Variants in DLGAP2 observed in about 807,000 individuals in gnomAD.
DLGAP2 encodes the protein DLG associated protein 2.
DLGAP2 carries 26 observed loss-of-function variants against 100.3 expected under a neutral mutation model. That is an observed-to-expected ratio of 0.26 (90% CI 0.19 to 0.36). The LOEUF is 0.36. Among genes scored for constraint, DLGAP2 ranks in the 10% least tolerant of loss-of-function variants. The probability of loss-of-function intolerance (pLI) is 1.00; values close to 1 mark genes in which losing one functional copy is unlikely to be tolerated. For synonymous variants in DLGAP2, 886 were observed against 630.1 expected (o/e 1.41, Z -6.08); for missense variants, 1,858 against 1,453.2 (o/e 1.28, Z -4.53).
At chr8:1,273,330 C>G (rs1799619647) in intron 3 of DLGAP2, among the ~76,000 whole-genome samples, 1 of 152,170 alleles carries the variant, frequency 6.6e-6, no homozygotes, top group Non-Finnish European at 1.5e-5. Context: ...GGACTTGAGT[C>G]CCTGTTGCCA....
intron 2 of DLGAP2, among the ~76,000 whole-genome samples, chr8:1,169,805 A>G (rs555560042): frequency 3.8e-4 from 57 of 151,960 alleles, no homozygotes; most frequent in Non-Finnish European, 7.5e-4. Context: ...GATTTTCTAG[A>G]TATACAATCA....
intron 3 of DLGAP2, chr8:1,381,240 A>G (rs961776293): frequency 6.6e-6 from 1 of 152,184 alleles, no homozygotes; most frequent in African/African-American, 2.4e-5. Flanking sequence ...CTCACCACCA[A>G]TTCCATGTGT....
intron 3 of DLGAP2, among the ~76,000 whole-genome samples, chr8:1,427,040 G>A (rs1042935412): frequency 6.6e-6 from 1 of 152,136 alleles, no homozygotes; most frequent in African/African-American, 2.4e-5. Flanking sequence ...TAGGTAAAAG[G>A]TGTTAAGATC....
intron 6 of DLGAP2, among the ~76,000 whole-genome samples, chr8:1,581,006 C>G (rs1437702842): frequency 1.3e-5 from 2 of 150,444 alleles, no homozygotes; most frequent in Non-Finnish European, 3.0e-5. Flanking sequence ...AGACAAAACC[C>G]CACACATATA....
At chr8:806,624 G>A (rs1031655548) in intron 1 of DLGAP2, among the ~76,000 whole-genome samples, 1 of 152,132 alleles carries the variant, frequency 6.6e-6, no homozygotes, top group Non-Finnish European at 1.5e-5. Context: ...GGCTGCTCCT[G>A]GGGTCCCTGC....
intron 6 of DLGAP2, among the ~76,000 whole-genome samples, chr8:1,588,812 C>T (rs1454252560): frequency 6.8e-6 from 1 of 147,068 alleles, no homozygotes; most frequent in Non-Finnish European, 1.5e-5. Flanking sequence ...ATCCCAGCTA[C>T]TCAGAAGGCT....
Position 950,576 on chromosome 8 carries a change from C to A in DLGAP2, c.73+42610C>A, listed in dbSNP as rs149414025. ...CTGTTCATCTGACCATTACTTCTCACCTTTCCTTGTAGAAAAATTTGTAGA... is the reference window on the plus strand; with the variant it reads ...CTGTTCATCTGACCATTACTTCTCAACTTTCCTTGTAGAAAAATTTGTAGA... On this transcript the variant is annotated intron_variant, in intron 2 of 14. Transcript: ENST00000637795. 3.7e-4 allele frequency among the ~76,000 whole-genome samples: 56 copies of A among 151,728 alleles called. 1 individual carries two copies. Among genetic ancestry groups the A allele is most frequent in the African/African-American group, 6.5e-4 (27 of 41,400 alleles).
At chr8:1,630,664 T>A (rs540519570) in intron 7 of DLGAP2, among the ~76,000 whole-genome samples, 2 of 151,256 alleles carry the variant, frequency 1.3e-5, no homozygotes, top group Non-Finnish European at 2.9e-5. Context: ...ATCACGCCAC[T>A]GCACTCCAGC....
At chr8:1,254,529 G>A (rs1052376585) in intron 2 of DLGAP2, among the ~76,000 whole-genome samples, 5 of 152,248 alleles carry the variant, frequency 3.3e-5, no homozygotes, top group Admixed American at 6.5e-5. Context: ...ACCGTGGGGC[G>A]CGATCATTGG....
At chr8:1,544,497 G>C (rs1801465027) in intron 4 of DLGAP2, among the ~76,000 whole-genome samples, 1 of 152,092 alleles carries the variant, frequency 6.6e-6, no homozygotes, top group Non-Finnish European at 1.5e-5. Context: ...GTTCCCTCCA[G>C]TCCTAGTTCT....
At chr8:1,106,268 C>A (rs115364242) in intron 2 of DLGAP2, among the ~76,000 whole-genome samples, 1 of 147,308 alleles carries the variant, frequency 6.8e-6, no homozygotes, top group African/African-American at 2.5e-5. Flanking sequence ...GGAGGGCATT[C>A]TAGGAGGGTT....
chr8:1,181,672 C>T lies in DLGAP2; in HGVS notation c.74-77179C>T, dbSNP rs144368179. The stretch of plus-strand genomic sequence containing the variant: ...CTTCTAAAACAAACCTGCCCATTTA[C>T]CCCTGAACTTTAAAGTTAAATAAGA... On this transcript the variant is annotated intron_variant, in intron 2 of 14. Coordinates refer to ENST00000637795, the MANE Select transcript of DLGAP2 (RefSeq NM_001346810.2). Among the ~76,000 whole-genome samples, 171 of 152,272 alleles carry T rather than the reference C, an allele frequency of 1.1e-3. 1 individual carries two copies. The highest frequency in any genetic ancestry group is 3.7e-3 in the African/African-American group (153 of 41,566).
rs150533851 is a variant in DLGAP2, at chr8:759,987, T to C, written c.18+22162T>C. 3.6e-3 allele frequency among the ~76,000 whole-genome samples: 541 copies of C among 152,284 alleles called. 4 individuals are homozygous for C. The highest frequency in any genetic ancestry group is 4.2e-3 in the Non-Finnish European group (286 of 68,004). ...CCAGCAATTGTCAGGGTTGAGACCATTGAGAGTCTGTTTAGTAATCAGAGT... is the reference window on the plus strand; with the variant it reads ...CCAGCAATTGTCAGGGTTGAGACCACTGAGAGTCTGTTTAGTAATCAGAGT... On this transcript the variant is annotated intron_variant, in intron 1 of 14. Coordinates refer to ENST00000637795, the MANE Select transcript of DLGAP2 (RefSeq NM_001346810.2).
chr8:1,190,877 T>C (rs574406021), intron 2 of DLGAP2, among the ~76,000 whole-genome samples: 75 of 152,112 alleles, frequency 4.9e-4, no homozygotes, highest in Non-Finnish European at 9.4e-4. Flanking sequence ...GTGGGGTCTG[T>C]GGCCGTTCAG....
chr8:1,070,535 C>CA (rs1451878282), intron 2 of DLGAP2, among the ~76,000 whole-genome samples: 3 of 152,178 alleles, frequency 2.0e-5, no homozygotes, highest in African/African-American at 7.2e-5. Context: ...AAATATCTCA[C>CA]AGGTGAGGGG....
intron 2 of DLGAP2, among the ~76,000 whole-genome samples, chr8:970,194 G>A (rs1799978650): frequency 1.3e-5 from 2 of 152,152 alleles, no homozygotes; most frequent in Non-Finnish European, 1.5e-5. Flanking sequence ...TAGTGATCAA[G>A]CTTTTCTTCA....
At chr8:778,786 G>C (rs1242977290) in intron 1 of DLGAP2, among the ~76,000 whole-genome samples, 6 of 152,256 alleles carry the variant, frequency 3.9e-5, no homozygotes, top group African/African-American at 1.4e-4. Flanking sequence ...GGTTACTGCT[G>C]TCTTTTTGTT....
intron 2 of DLGAP2, among the ~76,000 whole-genome samples, chr8:1,128,536 C>T (rs566309989): frequency 2.0e-5 from 3 of 152,186 alleles, no homozygotes; most frequent in Non-Finnish European, 4.4e-5. Flanking sequence ...GTGTGTAGCC[C>T]AGAAGCAACA....
At chr8:1,463,500 G>A (rs139882944) in intron 3 of DLGAP2, among the ~76,000 whole-genome samples, 2,604 of 152,316 alleles carry the variant, frequency 0.017, 38 homozygotes, top group Non-Finnish European at 0.029. Context: ...AGGCAGCCTC[G>A]GGTATGGTTG....
Sources: gnomAD v4.1 joint callset for allele counts (sites outside exome capture counted in the v4.1 genomes callset) on GRCh38, gnomAD v4.1.1 for gene constraint, MANE v1.5 for transcripts, NCBI Gene and HGNC (gene_info 2026-07-23, HGNC 2026-07-21) for gene names.